Variants in ZFYVE26 observed in about 807,000 individuals in gnomAD.
ZFYVE26 encodes zinc finger FYVE domain-containing protein 26.
Under a neutral mutation model 276.5 loss-of-function variants are expected in ZFYVE26, and 181 were observed. The ratio of observed to expected loss-of-function variants is 0.65; its 90% CI spans 0.58 to 0.74. The LOEUF (loss-of-function observed/expected upper bound fraction) is 0.74. Among genes scored for constraint, ZFYVE26 ranks in the 30% least tolerant of loss-of-function variants. The pLI is 0.00. For missense variants in ZFYVE26, 2,821 were observed against 3,097.9 expected (o/e 0.91, Z 2.12); for synonymous variants, 1,129 against 1,203.1 (o/e 0.94, Z 1.27).
downstream of ZFYVE26, among the ~76,000 whole-genome samples, chr14:67,745,929 C>CAAAAAAAAAAAACAAA (rs2038479527): frequency 1.7e-5 from 1 of 57,504 alleles, no homozygotes; most frequent in African/African-American, 7.6e-5. Context: ...GACCCTGTCT[C>CAAAAAAAAAAAACAAA]AAAAAAAAAA....
At chr14:67,752,271 C>T (rs2038667040) in intron 40 of ZFYVE26, 73 bp downstream of exon 40, 1 of 1,522,628 alleles carries the variant, frequency 6.6e-7, no homozygotes, top group African/African-American at 1.4e-5. Flanking sequence ...TTATGGAAAA[C>T]AGAACAATAA....
chr14:67,748,322 C>T lies in ZFYVE26; in HGVS notation c.*114G>A. ...TAGGGTCCAATCCAACTCTTTCCAA[C>T]CTAGGGCAGAGCCAGAGAAGTCCCA... On this transcript the variant is annotated 3_prime_UTR_variant, in exon 42 of 42. Coordinates refer to ENST00000347230, the MANE Select transcript of ZFYVE26 (RefSeq NM_015346.4). 3 of 1,253,454 alleles carry T rather than the reference C, an allele frequency of 2.4e-6. No homozygotes were observed. Among genetic ancestry groups the T allele is most frequent in the Middle Eastern group, 2.7e-4 (1 of 3,708 alleles). The allele number at this position is 1,253,454 out of a possible 1,614,324, so 77.6% of individuals were successfully genotyped here.
At chr14:67,789,254 T>C in intron 16 of ZFYVE26, 81 bp downstream of exon 16, 1 of 1,598,178 alleles carries the variant, frequency 6.3e-7, no homozygotes, top group Non-Finnish European at 8.5e-7. Flanking sequence ...ATAACTGCTT[T>C]CTTCCTGGAC....
At chr14:67,763,299 T>C (rs761624706) in intron 32 of ZFYVE26, among the ~76,000 whole-genome samples, 56 of 152,254 alleles carry the variant, frequency 3.7e-4, no homozygotes, top group Non-Finnish European at 7.6e-4. Context: ...TTAGTAGCTC[T>C]ATGACCTGGG....
intron 14 of ZFYVE26, among the ~76,000 whole-genome samples, chr14:67,793,397 A>G (rs1168105547): frequency 1.3e-5 from 2 of 152,154 alleles, no homozygotes; most frequent in East Asian, 3.9e-4. Flanking sequence ...TTTTAAAAAC[A>G]CTGCTTATGT....
intron 35 of ZFYVE26, among the ~76,000 whole-genome samples, chr14:67,759,244 GAAAAAAAA>G (rs1171265652): frequency 1.6e-4 from 13 of 81,636 alleles, no homozygotes; most frequent in Middle Eastern, 0.011. Context: ...GACTCTGTCT[GAAAAAAAA>G]AAAAAAAAAA....
At chr14:67,803,923 G>A (rs1358419684) in intron 9 of ZFYVE26, among the ~76,000 whole-genome samples, 178 bp downstream of exon 9, 2 of 152,154 alleles carry the variant, frequency 1.3e-5, no homozygotes, top group East Asian at 1.9e-4. Flanking sequence ...CAAGGAAGAG[G>A]AGGAATGCCC....
intron 27 of ZFYVE26, among the ~76,000 whole-genome samples, chr14:67,773,907 G>A (rs557049614): frequency 8.4e-4 from 128 of 152,266 alleles, no homozygotes; most frequent in African/African-American, 3.1e-3. Context: ...TCTTTCGAGA[G>A]TAGGCCATTG....
chr14:67,785,323 A>G (rs2039620850), intron 18 of ZFYVE26, 46 bp from the exon 19 acceptor site: 2 of 1,521,472 alleles, frequency 1.3e-6, no homozygotes, highest in Admixed American at 2.0e-5. Context: ...TCAGTCTGTG[A>G]GTCCAGCTTT....
intron 37 of ZFYVE26, among the ~76,000 whole-genome samples, chr14:67,754,800 T>C (rs1407042266): frequency 3.9e-5 from 6 of 152,174 alleles, no homozygotes; most frequent in Admixed American, 3.9e-4. Flanking sequence ...AGGAGCCTTT[T>C]GGCCTACTGT....
At position 67,785,971 on chromosome 14, in the gene ZFYVE26, A is replaced by G. The variant is rs1594917272; in HGVS notation, c.3191T>C (p.Leu1064Pro). Residue 1064 changes from leucine (L) to proline (P), a missense_variant, in exon 18 of 42, where the codon CTG becomes CCG. Physicochemically the swap from Leu to Pro is moderately conservative, Grantham distance 98. Transcript: ENST00000347230. ...GGPPRCSITE[L>P]LQMCWPSLSE... ...TAGGCTGGGCCAGCACATCTGAAGCAGTTCAGTGATGCTGCACCGTGGAGG... is the reference window on the plus strand; with the variant it reads ...TAGGCTGGGCCAGCACATCTGAAGCGGTTCAGTGATGCTGCACCGTGGAGG... 6.2e-7 allele frequency: 1 copy of G among 1,614,246 alleles called. No individual in the cohort carries two copies. The highest frequency in any genetic ancestry group is 8.5e-7 in the Non-Finnish European group (1 of 1,180,042).
At chr14:67,813,482 T>A (rs899096835) in intron 3 of ZFYVE26, among the ~76,000 whole-genome samples, 22 of 151,988 alleles carry the variant, frequency 1.4e-4, no homozygotes, top group African/African-American at 4.8e-4. Context: ...CTTACCAGGT[T>A]TTTTTTTTCA....
chr14:67,756,281 A>T, intron 35 of ZFYVE26, 136 bp from the exon 36 acceptor site: 1 of 907,394 alleles, frequency 1.1e-6, no homozygotes, highest in Admixed American at 1.8e-5. Flanking sequence ...TTTATGTGTC[A>T]CAGATACCTT....
intron 27 of ZFYVE26, among the ~76,000 whole-genome samples, chr14:67,773,572 C>A (rs1469829975): frequency 6.8e-6 from 1 of 147,010 alleles, no homozygotes; most frequent in African/African-American, 2.5e-5. Context: ...CACACACACA[C>A]CCCAAAGCTG....
intron 28 of ZFYVE26, chr14:67,770,089 G>C (rs8007916): frequency 0.03 from 9,270 of 312,174 alleles, 706 homozygotes; most frequent in African/African-American, 0.17. Context: ...TGATTAAAAA[G>C]TATCCCTTTC....
In ZFYVE26 at chr14:67,754,110, C is replaced by T. The variant is rs773000073; in HGVS notation, c.7089G>A (p.Leu2363=). 1.5e-5 allele frequency: 24 copies of T among 1,614,212 alleles called. No homozygotes were observed. The highest frequency in any genetic ancestry group is 2.2e-5 in the East Asian group (1 of 44,888). Reference sequence around the variant, plus strand: ...CCATTTTCATGTGGTTATTTCCAAACAGGGTTGGCAGAGGCAAAGTGGTGA... The same window carrying T: ...CCATTTTCATGTGGTTATTTCCAAATAGGGTTGGCAGAGGCAAAGTGGTGA... ...SQITTLPLPT[L]FGNNHMKMDV... Residue 2363 remains leucine (L), a synonymous_variant, in exon 38 of 42, where the codon CTG becomes CTA. Coordinates refer to ENST00000347230, the MANE Select transcript of ZFYVE26 (RefSeq NM_015346.4).
chr14:67,740,548 AT>A (rs2038404948), intron 13 of ZFYVE26, among the ~76,000 whole-genome samples: 1 of 151,936 alleles, frequency 6.6e-6, no homozygotes, highest in Admixed American at 6.5e-5. Flanking sequence ...TTCATTGTCC[AT>A]TTAGTTGCTA....
intron 20 of ZFYVE26, 124 bp from the exon 21 acceptor site, chr14:67,783,649 T>C (rs963243298): frequency 3.9e-6 from 5 of 1,286,808 alleles, no homozygotes; most frequent in Non-Finnish European, 5.4e-6. Context: ...CACACTCTTT[T>C]TTTAAAACAC....
At position 67,732,882 on chromosome 14, in the gene ZFYVE26, T is replaced by G. The variant is rs562547546; in HGVS notation, n.2680-3063A>C. Among the ~76,000 whole-genome samples the G allele has an allele frequency of 3.3e-5, 5 of 152,278 alleles. No homozygotes were observed. In the East Asian group the frequency reaches 7.7e-4, roughly 24 times the overall value. ...AGGTGTGAGCCACCGTGCCCAGCCG[T>G]GATAGGCTTTTCTTCTTTTATCAGC... is the stretch of plus-strand genomic sequence containing the variant. On this transcript the variant is annotated intron_variant and non_coding_transcript_variant, in intron 13 of 14. Coordinates refer to the ZFYVE26 transcript ENST00000394455.
Sources: gnomAD v4.1 joint callset for allele counts (sites outside exome capture counted in the v4.1 genomes callset) on GRCh38, gnomAD v4.1.1 for gene constraint, MANE v1.5 for transcripts, NCBI Gene and HGNC (gene_info 2026-07-23, HGNC 2026-07-21) for gene names.